MSH3: variants seen among roughly 807,000 people sequenced by gnomAD.
The protein encoded by MSH3 is DNA mismatch repair protein Msh3.
MSH3 carries 106 observed loss-of-function variants against 123.3 expected under a neutral mutation model. The ratio of observed to expected loss-of-function variants is 0.86; its 90% CI spans 0.73 to 1.01. The LOEUF (loss-of-function observed/expected upper bound fraction) is 1.01. Among genes scored for constraint, MSH3 ranks in the 50% least tolerant of loss-of-function variants. MSH3 has a pLI of 0.00. For missense variants in MSH3, 1,459 were observed against 1,347.6 expected, an observed-to-expected ratio of 1.08 and a Z score of -1.29; for synonymous variants, 515 against 481.4, an observed-to-expected ratio of 1.07 and a Z score of -0.91.
Position 80,658,355 on chromosome 5 carries a change from G to A in MSH3, c.358+1824G>A, listed in dbSNP as rs373886669. Among the ~76,000 whole-genome samples, 11 of 152,198 alleles carry A rather than the reference G, an allele frequency of 7.2e-5. No individual in the cohort carries two copies. The South Asian group carries it at 1.0e-3, about 14-fold the overall frequency. On this transcript the variant is annotated intron_variant, in intron 2 of 23. Transcript: ENST00000265081. ...ATTACAGGCGTGAGCCACTGCACCCGGCCTGTTGTTCTCTTTTTATAGAGG... is the reference window on the plus strand; with the variant it reads ...ATTACAGGCGTGAGCCACTGCACCCAGCCTGTTGTTCTCTTTTTATAGAGG...
intron 10 of MSH3, among the ~76,000 whole-genome samples, chr5:80,739,988 A>G (rs928018872): frequency 3.3e-5 from 5 of 152,174 alleles, no homozygotes; most frequent in Non-Finnish European, 7.3e-5. Flanking sequence ...TAGCACAAAC[A>G]CTTATGCCTT....
At chr5:80,696,986 A>G (rs1402757073) in intron 8 of MSH3, among the ~76,000 whole-genome samples, 1 of 152,208 alleles carries the variant, frequency 6.6e-6, no homozygotes, top group Non-Finnish European at 1.5e-5. Flanking sequence ...ATGTTAGTAT[A>G]TTTTTAAAAG....
chr5:80,873,250 A>C lies in MSH3; in HGVS notation c.3265A>C (p.Lys1089Gln), dbSNP rs979702683. ...AGAAATTTTGAAGAAAGCAGCTCAC[A>C]AGTCAAAAGAGCTGGAAGGATTAAT... is the stretch of plus-strand genomic sequence containing the variant. ...PGEILKKAAH[K>Q]SKELEGLINT... The change falls in exon 23 of 24, where the codon AAG becomes CAG. Residue 1089 changes from lysine (K) to glutamine (Q), a missense_variant. Coordinates refer to ENST00000265081, the MANE Select transcript of MSH3 (RefSeq NM_002439.5). 3 of 1,613,884 alleles carry C rather than the reference A, an allele frequency of 1.9e-6. No individual in the cohort carries two copies. Among genetic ancestry groups the C allele is most frequent in the South Asian group, 1.1e-5 (1 of 91,092 alleles).
chr5:80,821,878 T>C (rs1328347716), intron 20 of MSH3, among the ~76,000 whole-genome samples: 1 of 152,240 alleles, frequency 6.6e-6, no homozygotes, highest in East Asian at 1.9e-4. Context: ...CTCACAGGAC[T>C]TGGGGGCTAA....
At chr5:80,699,558 C>CAAAAAAAAAAAAAAAAAAAAAAAAAAAA in intron 8 of MSH3, among the ~76,000 whole-genome samples, 1 of 78,550 alleles carries the variant, frequency 1.3e-5, no homozygotes, top group Non-Finnish European at 2.4e-5. Flanking sequence ...ACACTGTCTC[C>CAAAAAAAAAAAAAAAAAAAAAAAAAAAA]AAAAAAAAAA....
At chr5:80,811,244 C>T (rs922609949) in intron 19 of MSH3, among the ~76,000 whole-genome samples, 1 of 151,936 alleles carries the variant, frequency 6.6e-6, no homozygotes, top group African/African-American at 2.4e-5. Flanking sequence ...ACTTTCTAGC[C>T]CTTATACCTT....
At chr5:80,823,799 A>G (rs1051087222) in intron 20 of MSH3, among the ~76,000 whole-genome samples, 7 of 152,168 alleles carry the variant, frequency 4.6e-5, no homozygotes, top group Non-Finnish European at 4.4e-5. Context: ...GCAGATAAAC[A>G]AGTGAACAAA....
chr5:80,667,544 G>A (rs1650661), intron 3 of MSH3, among the ~76,000 whole-genome samples: 42,198 of 152,078 alleles, frequency 0.28, 6,098 homozygotes, highest in Middle Eastern at 0.35. Flanking sequence ...CCTGAATCTC[G>A]CAGCTGCCAA....
At position 80,743,843 on chromosome 5, in the gene MSH3, CAA is replaced by C. The variant is rs770547257; in HGVS notation, c.1654-639_1654-638del. On this transcript the variant is annotated intron_variant, in intron 11 of 23. Coordinates refer to ENST00000265081, the MANE Select transcript of MSH3 (RefSeq NM_002439.5). ...TGGGCGACAGAGCGAGACTCCGTCT[CAA>C]AAAAAAAAAAAAAAAAAAAAAAACC... Among the ~76,000 whole-genome samples the C allele has an allele frequency of 5.6e-4, 2 of 3,542 alleles. 1 individual carries two copies. The highest frequency in any genetic ancestry group is 0.019 in the South Asian group (2 of 108). The allele number at this position is 3,542 out of a possible 152,430, so 2.3% of individuals were successfully genotyped here. A position where few individuals can be genotyped will look rare whatever the true frequency, so the allele number is the denominator to read the frequency against.
At chr5:80,736,910 T>C (rs575644879) in intron 10 of MSH3, among the ~76,000 whole-genome samples, 2 of 152,358 alleles carry the variant, frequency 1.3e-5, no homozygotes, top group East Asian at 3.9e-4. Flanking sequence ...TTGCTTTGCA[T>C]TCTTTCACTG....
At chr5:80,668,581 C>G (rs1749623461) in intron 3 of MSH3, among the ~76,000 whole-genome samples, 1 of 152,232 alleles carries the variant, frequency 6.6e-6, no homozygotes, top group Non-Finnish European at 1.5e-5. Flanking sequence ...CAGGTTGCAA[C>G]AGTTCCTAGG....
Position 80,656,489 on chromosome 5 carries a change from CAAAA to C in MSH3, c.317_320del (p.Gln106ArgfsTer19), listed in dbSNP as rs1749290729. 1 of 1,614,020 alleles carries C rather than the reference CAAAA, an allele frequency of 6.2e-7. No homozygotes were observed. The highest frequency in any genetic ancestry group is 1.7e-5 in the Admixed American group (1 of 59,996). ...TAAAAAGAAAGTAAAGAAAGTCCAA[CAAAA>C]GGAAGGAGGAAGTGATCTGGGAATG... On this transcript the variant is annotated frameshift_variant, in exon 2 of 24. Transcript: ENST00000265081. LOFTEE classifies it high-confidence loss of function.
intron 20 of MSH3, among the ~76,000 whole-genome samples, chr5:80,849,455 C>G (rs1436737539): frequency 6.6e-6 from 1 of 152,224 alleles, no homozygotes; most frequent in African/African-American, 2.4e-5. Context: ...CATGAGAGCT[C>G]TGCCCTGTAG....
At chr5:80,746,734 A>G (rs919509822) in intron 12 of MSH3, 42 of 393,714 alleles carry the variant, frequency 1.1e-4, no homozygotes, top group Non-Finnish European at 2.0e-4. Context: ...ATATCTTCCA[A>G]CATGGTCTTG....
chr5:80,858,268 C>T (rs983186910), intron 21 of MSH3, among the ~76,000 whole-genome samples: 3 of 151,966 alleles, frequency 2.0e-5, no homozygotes, highest in Non-Finnish European at 4.4e-5. Context: ...AGGCTGGTCT[C>T]GTATTCTTGG....
chr5:80,874,217 T>A (rs1045136631), intron 23 of MSH3, among the ~76,000 whole-genome samples: 2 of 152,228 alleles, frequency 1.3e-5, no homozygotes, highest in Non-Finnish European at 1.5e-5. Context: ...TCATACTAGC[T>A]AAAGAAACAG....
intron 8 of MSH3, among the ~76,000 whole-genome samples, chr5:80,685,201 CTTTT>C (rs70991171): frequency 3.7e-5 from 4 of 107,642 alleles, no homozygotes; most frequent in Non-Finnish European, 5.6e-5. Flanking sequence ...AAGTATTCTC[CTTTT>C]TTTTTTTTTT....
rs904010933 is a variant in MSH3 at position 80,870,681 on chromosome 5, T to C, written c.3131-2435T>C. Among the ~76,000 whole-genome samples, 3 of 152,212 alleles carry C rather than the reference T, an allele frequency of 2.0e-5. No homozygotes were observed. In the South Asian group the frequency reaches 6.2e-4, roughly 32 times the overall value. Reference sequence around the variant, plus strand: ...CCACCTCCCACTTCAGCACCCACCCTTGGAAAGCTCTTATCTGTCTGCTGC... The same window carrying C: ...CCACCTCCCACTTCAGCACCCACCCCTGGAAAGCTCTTATCTGTCTGCTGC... On this transcript the variant is annotated intron_variant, in intron 22 of 23. Coordinates refer to ENST00000265081, the MANE Select transcript of MSH3 (RefSeq NM_002439.5).
chr5:80,792,410 C>CT (rs1466673060), intron 18 of MSH3, among the ~76,000 whole-genome samples: 1 of 145,378 alleles, frequency 6.9e-6, no homozygotes, highest in African/African-American at 2.6e-5. Flanking sequence ...GACCCTATCT[C>CT]TTAAAAAAAA....
Sources: gnomAD v4.1 joint callset for allele counts (sites outside exome capture counted in the v4.1 genomes callset) on GRCh38, gnomAD v4.1.1 for gene constraint, MANE v1.5 for transcripts, NCBI Gene and HGNC (gene_info 2026-07-23, HGNC 2026-07-21) for gene names.